ANK2: variants seen among roughly 807,000 people sequenced by gnomAD.
ANK2 encodes ankyrin 2.
Under a neutral mutation model 360.5 loss-of-function variants are expected in ANK2, and 83 were observed. That is an observed-to-expected ratio of 0.23 (90% CI 0.19 to 0.28). The LOEUF (loss-of-function observed/expected upper bound fraction) is 0.28. Among genes scored for constraint, ANK2 ranks in the 10% least tolerant of loss-of-function variants. ANK2 has a pLI of 1.00. For missense variants in ANK2, 4,201 were observed against 4,795.7 expected (o/e 0.88, Z 3.66); for synonymous variants, 1,740 against 1,759.5 (o/e 0.99, Z 0.28).
intron 1 of ANK2, among the ~76,000 whole-genome samples, chr4:113,059,683 T>TA (rs1377928472): frequency 2.0e-5 from 3 of 152,102 alleles, no homozygotes; most frequent in Non-Finnish European, 4.4e-5. Context: ...TGAAGAGCCT[T>TA]AATGTGAATT....
At chr4:112,735,141 G>A in the ANK2 span, among the ~76,000 whole-genome samples, 1 of 152,002 alleles carries the variant, frequency 6.6e-6, no homozygotes, top group Non-Finnish European at 1.5e-5. Flanking sequence ...TCCCAGCACT[G>A]TGAGAGGCTG....
intron 2 of ANK2, among the ~76,000 whole-genome samples, chr4:112,918,686 G>T (rs1249641674): frequency 6.6e-6 from 1 of 152,148 alleles, no homozygotes; most frequent in Non-Finnish European, 1.5e-5. Context: ...TAAGTGTTTT[G>T]AATGTTATTT....
In ANK2 at chr4:113,369,704, G is replaced by A. The variant is rs766615247; in HGVS notation, c.11509G>A (p.Glu3837Lys). 8.1e-6 allele frequency: 13 copies of A among 1,614,004 alleles called. No homozygotes were observed. The highest frequency in any genetic ancestry group is 1.1e-5 in the Non-Finnish European group (13 of 1,180,012). The change falls in exon 43 of 46, where the codon GAG becomes AAG. Residue 3837 changes from glutamate (E) to lysine (K), a missense_variant. This residue lies in a region of ANK2 where 2,642 missense variants were observed against 2,714.5 expected (regional missense o/e 0.97). Coordinates refer to ENST00000357077, the MANE Select transcript of ANK2 (RefSeq NM_001148.6). ...QEPEEPSEHR[E>K]ESSPRKTSLV... ...ACCCGAAGAGCCCTCAGAGCACAGA[G>A]AGGAGAGCTCTCCGCGGAAAACCAG...
intron 1 of ANK2, among the ~76,000 whole-genome samples, chr4:113,159,628 A>C (rs2097438705): frequency 6.6e-6 from 1 of 151,010 alleles, no homozygotes; most frequent in Non-Finnish European, 1.5e-5. Context: ...CTTTTTGTTG[A>C]GATGGAGTCT....
In ANK2 at chr4:113,172,823, T is replaced by C. The variant is rs575657698; in HGVS notation, c.85-1593T>C. ...TAATATAACATAATACACAGTATTATAACTCACTTTTAAGTGCTGTGACAA... is the reference window on the plus strand; with the variant it reads ...TAATATAACATAATACACAGTATTACAACTCACTTTTAAGTGCTGTGACAA... On this transcript the variant is annotated intron_variant, in intron 1 of 45. Coordinates refer to ENST00000357077, the MANE Select transcript of ANK2 (RefSeq NM_001148.6). Among the ~76,000 whole-genome samples the C allele has an allele frequency of 2.0e-5, 3 of 152,364 alleles. 1 individual carries two copies. In the South Asian group the frequency reaches 6.2e-4, roughly 32 times the overall value.
chr4:113,372,688 A>AAC (rs2096782965), intron 43 of ANK2: 5 of 1,170,632 alleles, frequency 4.3e-6, no homozygotes, highest in Non-Finnish European at 6.1e-6. Context: ...AAGAGTGATC[A>AAC]ACCTGGATCA....
chr4:113,006,209 C>T (rs2174558), intron 2 of ANK2, among the ~76,000 whole-genome samples: 21,675 of 152,072 alleles, frequency 0.14, 1,946 homozygotes, highest in East Asian at 0.39. Context: ...GTTGAGAAGA[C>T]GGATAGCCCA....
intron 1 of ANK2, among the ~76,000 whole-genome samples, chr4:113,173,256 C>T (rs1212557971): frequency 6.6e-6 from 1 of 152,048 alleles, no homozygotes; most frequent in Non-Finnish European, 1.5e-5. Flanking sequence ...TTTGAAACTC[C>T]CAGAGAAGAT....
At chr4:112,759,950 T>A in the ANK2 span, among the ~76,000 whole-genome samples, 1 of 152,168 alleles carries the variant, frequency 6.6e-6, no homozygotes, top group Non-Finnish European at 1.5e-5. Context: ...GCTGGAAGGA[T>A]CCTTAGAAAC....
intron 2 of ANK2, among the ~76,000 whole-genome samples, chr4:112,927,217 T>C (rs1164559592): frequency 6.6e-6 from 1 of 152,200 alleles, no homozygotes; most frequent in Non-Finnish European, 1.5e-5. Flanking sequence ...CATGTACATA[T>C]ATCAGATTCA....
the ANK2 span, among the ~76,000 whole-genome samples, chr4:112,783,737 C>T: frequency 6.6e-6 from 1 of 151,732 alleles, no homozygotes. Context: ...GCAAGCTCTG[C>T]CTCCTGGGTT....
intron 1 of ANK2, among the ~76,000 whole-genome samples, chr4:112,855,272 C>T (rs1033487898): frequency 4.6e-5 from 7 of 152,200 alleles, no homozygotes; most frequent in African/African-American, 1.2e-4. Context: ...TCTGTAATCT[C>T]TCACTGTCCA....
chr4:113,112,290 A>G (rs1047960743), intron 1 of ANK2, among the ~76,000 whole-genome samples: 8 of 152,152 alleles, frequency 5.3e-5, no homozygotes, highest in Non-Finnish European at 8.8e-5. Flanking sequence ...GGATTTTTTC[A>G]TCAGAAGAGT....
At chr4:112,866,562 A>G (rs1454517110) in intron 1 of ANK2, among the ~76,000 whole-genome samples, 1 of 152,228 alleles carries the variant, frequency 6.6e-6, no homozygotes, top group Admixed American at 6.5e-5. Context: ...ATGATAAAAC[A>G]TTAACAAACC....
intron 1 of ANK2, among the ~76,000 whole-genome samples, chr4:113,082,978 G>A (rs1199398767): frequency 1.3e-5 from 2 of 152,160 alleles, no homozygotes; most frequent in African/African-American, 2.4e-5. Flanking sequence ...GCCTGGGCAA[G>A]CAGTCTGAGT....
intron 7 of ANK2, 41 bp downstream of exon 7, chr4:113,237,663 T>G (rs559918276): frequency 1.3e-6 from 2 of 1,543,896 alleles, no homozygotes; most frequent in African/African-American, 2.7e-5. Flanking sequence ...CTTGTCTTTA[T>G]TTTTAGTTTT....
the ANK2 span, among the ~76,000 whole-genome samples, chr4:112,794,599 C>A: frequency 6.6e-6 from 1 of 152,188 alleles, no homozygotes; most frequent in Admixed American, 6.5e-5. Context: ...AGTTTAATTT[C>A]TTTCATCTAT....
intron 1 of ANK2, among the ~76,000 whole-genome samples, chr4:112,856,391 A>G (rs927041488): frequency 2.6e-5 from 4 of 152,160 alleles, no homozygotes; most frequent in African/African-American, 9.7e-5. Flanking sequence ...ACTTCTTCCT[A>G]ATTTATCTGT....
the ANK2 span, among the ~76,000 whole-genome samples, chr4:112,731,581 A>G: frequency 6.6e-6 from 1 of 151,610 alleles, no homozygotes; most frequent in African/African-American, 2.4e-5. Context: ...AAATACAAAA[A>G]TTGTGGGGTG....
Sources: allele counts gnomAD v4.1 joint callset (sites outside exome capture counted in the v4.1 genomes callset), GRCh38; gene constraint gnomAD v4.1.1; regional missense constraint gnomAD v4.1.1; transcripts MANE v1.5; gene names NCBI Gene and HGNC (gene_info 2026-07-23, HGNC 2026-07-21).